GMNN: variants seen among roughly 807,000 people sequenced by gnomAD.
GMNN encodes geminin DNA replication inhibitor.
In GMNN, 14 loss-of-function variants were observed where a neutral mutation model predicts 20.9. The observed-to-expected ratio is 0.67, with a 90% confidence interval of 0.44 to 1.05. GMNN has a LOEUF of 1.05. Among genes scored for constraint, GMNN ranks in the 50% least tolerant of loss-of-function variants. The probability of loss-of-function intolerance (pLI) is 0.00; values close to 1 mark genes in which losing one functional copy is unlikely to be tolerated. For missense variants in GMNN, 227 were observed against 243.8 expected (o/e 0.93, Z 0.46); for synonymous variants, 81 against 85.8 (o/e 0.94, Z 0.31).
Position 24,784,432 on chromosome 6 carries a change from T to C in GMNN, c.358-12T>C. ...AATCTATGGAATACTGAACTTTATT[T>C]ATGTAATACAGCTTCATAAAGAAAT... On this transcript the variant is annotated splice_polypyrimidine_tract_variant and intron_variant, in intron 5 of 6. Transcript: ENST00000230056. The C allele has an allele frequency of 8.1e-7, 1 of 1,242,038 alleles. No homozygotes were observed. The highest frequency in any genetic ancestry group is 1.9e-4 in the Middle Eastern group (1 of 5,318). 76.9% of individuals were successfully genotyped at this position (1,242,038 alleles called of 1,614,324 possible).
chr6:24,777,056 A>G (rs1251947812), intron 1 of GMNN, 166 bp from the exon 2 acceptor site: 2 of 390,418 alleles, frequency 5.1e-6, no homozygotes, highest in Non-Finnish European at 4.6e-6. Context: ...ATAGATATCA[A>G]GAGTCATTAA....
chr6:24,784,304 A>G (rs1180074547), intron 5 of GMNN, 135 bp downstream of exon 5: 1 of 682,452 alleles, frequency 1.5e-6, no homozygotes, highest in African/African-American at 1.8e-5. Context: ...GCAGCTCTTG[A>G]CAATTATACA....
At chr6:24,776,294 C>A (rs1780067773) in intron 1 of GMNN, among the ~76,000 whole-genome samples, 1 of 152,092 alleles carries the variant, frequency 6.6e-6, no homozygotes, top group African/African-American at 2.4e-5. Context: ...GATGGAGTTT[C>A]ACCATATTGG....
At chr6:24,775,768 TGG>T (rs1780050018) in intron 1 of GMNN, 1 of 152,266 alleles carries the variant, frequency 6.6e-6, no homozygotes, top group Non-Finnish European at 1.5e-5. Flanking sequence ...CTGACAGGCG[TGG>T]GAAACTTGTG....
Position 24,783,967 on chromosome 6 carries a change from C to G in GMNN, c.275-120C>G, listed in dbSNP as rs1780283698. 4 of 455,580 alleles carry G rather than the reference C, an allele frequency of 8.8e-6. No individual in the cohort carries two copies. In the East Asian group the frequency reaches 1.3e-4, roughly 15 times the overall value. The allele number at this position is 455,580 out of a possible 1,614,324, so 28.2% of individuals were successfully genotyped here. On this transcript the variant is annotated intron_variant, in intron 4 of 6. Coordinates refer to ENST00000230056, the MANE Select transcript of GMNN (RefSeq NM_015895.5). ...ATTGATTTTATTTTTTAACTTTAAT[C>G]TTTTAAAAATGAGTATTACTAAACA...
intron 6 of GMNN, 61 bp downstream of exon 6, chr6:24,784,615 T>C (rs1438342854): frequency 1.4e-6 from 1 of 738,640 alleles, no homozygotes; most frequent in Non-Finnish European, 2.4e-6. Context: ...GTTGAGGTAG[T>C]GTAGTGTGAT....
At chr6:24,780,347 A>G (rs909042636) in intron 2 of GMNN, among the ~76,000 whole-genome samples, 1 of 152,252 alleles carries the variant, frequency 6.6e-6, no homozygotes, top group Non-Finnish European at 1.5e-5. Context: ...AAATGACCAT[A>G]GCAAGAGCAT....
chr6:24,781,277 A>G (rs1002994006), intron 3 of GMNN, among the ~76,000 whole-genome samples, 200 bp from the exon 4 acceptor site: 5 of 152,186 alleles, frequency 3.3e-5, no homozygotes, highest in Non-Finnish European at 7.3e-5. Flanking sequence ...AGTCTAATCC[A>G]AAATAATTGT....
chr6:24,779,584 A>C (rs1780152702), intron 2 of GMNN, among the ~76,000 whole-genome samples: 1 of 152,212 alleles, frequency 6.6e-6, no homozygotes, highest in Non-Finnish European at 1.5e-5. Context: ...GATAATAATC[A>C]GCAGTAGAAA....
In GMNN at chr6:24,784,067, T is replaced by C; in HGVS notation, c.275-20T>C. 8.9e-7 allele frequency: 1 copy of C among 1,127,050 alleles called. No individual in the cohort carries two copies. Among genetic ancestry groups the C allele is most frequent in the Non-Finnish European group, 1.3e-6 (1 of 768,152 alleles). 69.8% of individuals were successfully genotyped at this position (1,127,050 alleles called of 1,614,324 possible). On this transcript the variant is annotated intron_variant, in intron 4 of 6. Coordinates refer to ENST00000230056, the MANE Select transcript of GMNN (RefSeq NM_015895.5). The stretch of plus-strand genomic sequence containing the variant: ...TTGACAGTAATGATTTTTAAAGTTA[T>C]ATTTAAAATATTATTTTAGAAAATC...
intron 2 of GMNN, among the ~76,000 whole-genome samples, chr6:24,778,432 GTTTGGGC>G (rs1780129842): frequency 6.6e-6 from 1 of 152,138 alleles, no homozygotes; most frequent in African/African-American, 2.4e-5. Context: ...GAGCCTAGGA[GTTTGGGC>G]TTTGGTGAAT....
At chr6:24,781,749 T>G (rs923663523) in intron 4 of GMNN, 128 bp downstream of exon 4, 13 of 450,502 alleles carry the variant, frequency 2.9e-5, no homozygotes, top group African/African-American at 2.6e-4. Flanking sequence ...TAAATGTTTT[T>G]GTATGTGACC....
Position 24,784,462 on chromosome 6 carries a change from C to A in GMNN, c.376C>A (p.Gln126Lys). 1 of 1,543,804 alleles carries A rather than the reference C, an allele frequency of 6.5e-7. No homozygotes were observed. The highest frequency in any genetic ancestry group is 9.0e-7 in the Non-Finnish European group (1 of 1,116,296). ...AATACAGCTTCATAAAGAAATTGAA[C>A]AAAAGGACAATGAAATTGCCCGCCT... ...ENEKLHKEIE[Q>K]KDNEIARLKK... Residue 126 changes from glutamine to lysine, a missense_variant, in exon 6 of 7, where the codon CAA becomes AAA. Physicochemically the swap from Gln to Lys is moderately conservative, Grantham distance 53. Transcript: ENST00000230056.
chr6:24,781,093 C>T (rs560414338), intron 3 of GMNN, among the ~76,000 whole-genome samples: 2 of 152,046 alleles, frequency 1.3e-5, no homozygotes, highest in Non-Finnish European at 2.9e-5. Context: ...ATCTCAGCTG[C>T]TTGGGAGGCT....
chr6:24,782,859 T>C (rs1780253392), intron 4 of GMNN, among the ~76,000 whole-genome samples: 1 of 151,702 alleles, frequency 6.6e-6, no homozygotes, highest in Admixed American at 6.6e-5. Flanking sequence ...TTATTATATT[T>C]GTTGACAGTG....
intron 2 of GMNN, chr6:24,777,631 TG>T (rs1197225596): frequency 6.1e-6 from 1 of 163,312 alleles, no homozygotes; most frequent in African/African-American, 2.4e-5. Context: ...CATTCTCATT[TG>T]GTCATTGCTA....
intron 2 of GMNN, among the ~76,000 whole-genome samples, chr6:24,778,492 A>G (rs922150739): frequency 2.6e-5 from 4 of 152,130 alleles, no homozygotes; most frequent in Non-Finnish European, 4.4e-5. Flanking sequence ...ACAGAGTAAG[A>G]CCCTGTACCT....
Position 24,785,738 on chromosome 6 carries a change from A to C in GMNN, c.569A>C (p.Glu190Ala). The C allele has an allele frequency of 6.3e-7, 1 of 1,588,940 alleles. No homozygotes were observed. The highest frequency in any genetic ancestry group is 1.1e-5 in the South Asian group (1 of 88,488). ...GAGGATTCTCTAGTGGAAGACTCAG[A>C]AATTGGCACGTGTGCTGAAGGAACT... ...TVEDSLVEDSEIGTCAEGTVS... is the reference protein window; with the variant it reads ...TVEDSLVEDSAIGTCAEGTVS... The change falls in exon 7 of 7, where the codon GAA becomes GCA. Residue 190 changes from glutamate to alanine, a missense_variant. Glu to Ala is a moderately radical substitution (Grantham distance 107). Transcript: ENST00000230056.
At chr6:24,780,536 T>A (rs1780183481) in intron 2 of GMNN, 127 bp from the exon 3 acceptor site, 2 of 584,774 alleles carry the variant, frequency 3.4e-6, no homozygotes, top group African/African-American at 3.7e-5. Context: ...ATGTTTGTGT[T>A]GTTAGTGTTC....
Sources: gnomAD v4.1 joint callset for allele counts (sites outside exome capture counted in the v4.1 genomes callset) on GRCh38, gnomAD v4.1.1 for gene constraint, MANE v1.5 for transcripts, NCBI Gene and HGNC (gene_info 2026-07-23, HGNC 2026-07-21) for gene names.